FCHO1: variants seen among roughly 807,000 people sequenced by gnomAD.
The protein encoded by FCHO1 is FCH and mu domain containing endocytic adaptor 1, also known as F-BAR domain only protein 1.
In FCHO1, 45 loss-of-function variants were observed where a neutral mutation model predicts 114.4. The ratio of observed to expected loss-of-function variants is 0.39; its 90% CI spans 0.31 to 0.50. The LOEUF is 0.50. Ranked by LOEUF, FCHO1 falls within the 20% of genes least tolerant of loss-of-function variation. FCHO1 has a pLI of 0.77. For synonymous variants in FCHO1, 480 were observed against 488.9 expected (o/e 0.98, Z 0.24); for missense variants, 1,042 against 1,209.6 (o/e 0.86, Z 2.06).
At chr19:17,762,722 C>G (rs1457210276) in intron 4 of FCHO1, 40 bp from the exon 5 acceptor site, 1 of 1,448,084 alleles carries the variant, frequency 6.9e-7, no homozygotes, top group South Asian at 1.1e-5. Context: ...CTATGATGTT[C>G]TCTCCATCCT....
intron 11 of FCHO1, among the ~76,000 whole-genome samples, chr19:17,773,563 A>G (rs952529813): frequency 2.6e-5 from 4 of 151,898 alleles, no homozygotes; most frequent in African/African-American, 9.7e-5. Context: ...ATGGCTCCCC[A>G]TTGTTCTTGG....
Position 17,772,722 on chromosome 19 carries a change from C to T in FCHO1, c.771C>T (p.Gly257=). The T allele has an allele frequency of 1.2e-6, 2 of 1,614,108 alleles. No individual in the cohort carries two copies. Among genetic ancestry groups the T allele is most frequent in the Non-Finnish European group, 1.7e-6 (2 of 1,179,978 alleles). ...TCAGGAAGTTTGCAGAGAGTAAGGG[C>T]ACAGGCCGGGAGAAGCCTGGTGAGT... is the stretch of plus-strand genomic sequence containing the variant. The part of the protein sequence containing the change: ...MLLRKFAESK[G]TGREKPGPLD... The change falls in exon 11 of 29, where the codon GGC becomes GGT. Residue 257 remains glycine, a synonymous_variant. Transcript: ENST00000596536.
At chr19:17,786,162 C>T (rs1398666492) in intron 26 of FCHO1, among the ~76,000 whole-genome samples, 8 of 152,050 alleles carry the variant, frequency 5.3e-5, no homozygotes, top group East Asian at 1.9e-4. Flanking sequence ...GGTGAAACCC[C>T]GTCTCTACTA....
intron 4 of FCHO1, among the ~76,000 whole-genome samples, chr19:17,758,969 G>A (rs1888444152): frequency 6.6e-6 from 1 of 152,040 alleles, no homozygotes; most frequent in Admixed American, 6.6e-5. Context: ...GCGAGACCCT[G>A]TCTCAAACAT....
Position 17,774,262 on chromosome 19 carries a change from A to G in FCHO1, c.814A>G (p.Ser272Gly), listed in dbSNP as rs560608121. Reference sequence around the variant, plus strand: ...AGGACCTCTGGACTTCGAGGCATACAGTGCGGCTGCCCTGCAGGAAGGCAA... The same window carrying G: ...AGGACCTCTGGACTTCGAGGCATACGGTGCGGCTGCCCTGCAGGAAGGCAA... ...KPGPLDFEAYSAAALQEAMKR... is the reference protein window; with the variant it reads ...KPGPLDFEAYGAAALQEAMKR... The change falls in exon 12 of 29, where the codon AGT becomes GGT. Residue 272 changes from serine (S) to glycine (G), a missense_variant. Physicochemically the swap from Ser to Gly is moderately conservative, Grantham distance 56 (BLOSUM62 0). Transcript: ENST00000596536. 1.2e-6 allele frequency: 2 copies of G among 1,614,048 alleles called. No individual in the cohort carries two copies. Among genetic ancestry groups the G allele is most frequent in the South Asian group, 1.1e-5 (1 of 91,088 alleles).
rs1296059404 is a variant in FCHO1, at chr19:17,772,701, G to A, written c.750G>A (p.Arg250=). 1 of 1,614,094 alleles carries A rather than the reference G, an allele frequency of 6.2e-7. No individual in the cohort carries two copies. Among genetic ancestry groups the A allele is most frequent in the African/African-American group, 1.3e-5 (1 of 74,932 alleles). ...IENVSVEMLL[R]KFAESKGTGR... ...ACGTCAGCGTGGAGATGCTACTCAG[G>A]AAGTTTGCAGAGAGTAAGGGCACAG... is the stretch of plus-strand genomic sequence containing the variant. Residue 250 remains arginine, a synonymous_variant, in exon 11 of 29, where the codon AGG becomes AGA. Transcript: ENST00000596536.
chr19:17,755,143 G>T lies in FCHO1; in HGVS notation c.-22G>T. On this transcript the variant is annotated 5_prime_UTR_variant, in exon 4 of 29. Coordinates refer to ENST00000596536, the MANE Select transcript of FCHO1 (RefSeq NM_015122.3). ...ACAGGCACTGGACGGGGCCTGCAGG[G>T]GTCTCCACAGAGACCATCAGGATGT... The T allele has an allele frequency of 6.2e-7, 1 of 1,613,480 alleles. No individual in the cohort carries two copies. Among genetic ancestry groups the T allele is most frequent in the South Asian group, 1.1e-5 (1 of 91,050 alleles).
At position 17,751,608 on chromosome 19, in the gene FCHO1, A is replaced by G. The variant is rs535961762; in HGVS notation, c.-183+31A>G. The stretch of plus-strand genomic sequence containing the variant: ...TTTGAGCCCTGGCCAGTAGATACCC[A>G]TCATCTCGCCTTGGCCCCCCTCAGG... On this transcript the variant is annotated intron_variant, in intron 1 of 28. Coordinates refer to ENST00000596536, the MANE Select transcript of FCHO1 (RefSeq NM_015122.3). The surrounding 1 kb of genome is among the most constrained non-coding windows in gnomAD (Gnocchi z 4.4). 6.6e-6 allele frequency: 1 copy of G among 152,416 alleles called. No homozygotes were observed. Among genetic ancestry groups the G allele is most frequent in the South Asian group, 2.1e-4 (1 of 4,834 alleles). 9.4% of individuals were successfully genotyped at this position (152,416 alleles called of 1,614,324 possible).
chr19:17,757,848 A>G (rs1182352766), intron 4 of FCHO1, among the ~76,000 whole-genome samples: 1 of 146,490 alleles, frequency 6.8e-6, no homozygotes, highest in Non-Finnish European at 1.5e-5. Flanking sequence ...CCTGGGAGGC[A>G]GAGGTTTCAG....
chr19:17,761,633 C>CATATATATATATATATATATATATAT (rs55848959), intron 4 of FCHO1, among the ~76,000 whole-genome samples: 62 of 142,674 alleles, frequency 4.3e-4, no homozygotes, highest in Non-Finnish European at 8.2e-4. Flanking sequence ...CATGTATATA[C>CATATATATATATATATATATATATAT]ATATATATAT....
intron 7 of FCHO1, among the ~76,000 whole-genome samples, chr19:17,767,563 T>TAA (rs34862065): frequency 0.013 from 1,459 of 113,402 alleles, 29 homozygotes; most frequent in South Asian, 0.027. Context: ...AAAGACTGTC[T>TAA]AAAAAAAAAA....
intron 11 of FCHO1, among the ~76,000 whole-genome samples, 197 bp downstream of exon 11, chr19:17,772,938 C>A (rs2091957624): frequency 6.6e-6 from 1 of 152,182 alleles, no homozygotes; most frequent in South Asian, 2.1e-4. Context: ...GCTGGGATTA[C>A]AGGCGTGAGC....
At position 17,775,195 on chromosome 19, in the gene FCHO1, G is replaced by A; in HGVS notation, c.945+115G>A. ...ACTAAAGAGCCGAGATTGAGGGGCG[G>A]GCTGGAGCCTGGGGGCTGGGTTCAT... On this transcript the variant is annotated intron_variant, in intron 14 of 28. Transcript: ENST00000596536. This position sits in a 1 kb window ranked among gnomAD's most constrained non-coding sequence, Gnocchi z 5.1. The A allele has an allele frequency of 1.6e-6, 2 of 1,234,836 alleles. No homozygotes were observed. The highest frequency in any genetic ancestry group is 2.3e-6 in the Non-Finnish European group (2 of 874,778). The allele number at this position is 1,234,836 out of a possible 1,614,324, so 76.5% of individuals were successfully genotyped here. A position where few individuals can be genotyped will look rare whatever the true frequency, so the allele number is the denominator to read the frequency against.
chr19:17,764,505 A>C (rs961833988), intron 6 of FCHO1, 56 bp downstream of exon 6: 1 of 1,401,764 alleles, frequency 7.1e-7, no homozygotes, highest in Admixed American at 2.0e-5. Flanking sequence ...TCCTTGGTGG[A>C]CATCTCTTCA....
chr19:17,770,745 C>A, intron 8 of FCHO1, 47 bp from the exon 9 acceptor site: 2 of 1,598,656 alleles, frequency 1.3e-6, no homozygotes, highest in Non-Finnish European at 1.7e-6. Context: ...GGGGGAGGCC[C>A]CCTGAGTATC....
chr19:17,781,987 C>CTTT (rs67498129), intron 23 of FCHO1, among the ~76,000 whole-genome samples, 167 bp downstream of exon 23: 1 of 126,046 alleles, frequency 7.9e-6, no homozygotes, highest in Non-Finnish European at 1.6e-5. Context: ...ATAGGAGGGC[C>CTTT]TTTTTTTTTT....
chr19:17,764,350 A>G lies in FCHO1; in HGVS notation c.120-25A>G, dbSNP rs200177505. On this transcript the variant is annotated intron_variant, in intron 5 of 28. Coordinates refer to ENST00000596536, the MANE Select transcript of FCHO1 (RefSeq NM_015122.3). The stretch of plus-strand genomic sequence containing the variant: ...ACCACTGCGCCCGGGCAGTTTCTCC[A>G]TCTTTACCTCATTCTCCTCCCCAGG... 5.3e-5 allele frequency: 85 copies of G among 1,612,448 alleles called. No individual in the cohort carries two copies. In the East Asian group the frequency reaches 1.9e-3, roughly 36 times the overall value.
intron 7 of FCHO1, 148 bp downstream of exon 7, chr19:17,766,958 G>A (rs1202237176): frequency 2.2e-6 from 2 of 923,902 alleles, no homozygotes; most frequent in East Asian, 2.7e-5. Flanking sequence ...AGGGTCTTAC[G>A]GACCTGAGCG....
chr19:17,762,979 G>C (rs990605609), intron 5 of FCHO1, 126 bp downstream of exon 5: 1 of 628,064 alleles, frequency 1.6e-6, no homozygotes, highest in East Asian at 2.7e-5. Context: ...AGAGGGGCTC[G>C]AAAATCCTGG....
Sources: gnomAD v4.1 joint callset for allele counts (sites outside exome capture counted in the v4.1 genomes callset) on GRCh38, gnomAD v4.1.1 for gene constraint, Gnocchi (gnomAD v3.1) non-coding constraint, MANE v1.5 for transcripts, NCBI Gene and HGNC (gene_info 2026-07-23, HGNC 2026-07-21) for gene names.